NEGR1: variants seen among roughly 807,000 people sequenced by gnomAD.
The protein encoded by NEGR1 is neuronal growth regulator 1.
Under a neutral mutation model 40.9 loss-of-function variants are expected in NEGR1, and 10 were observed. The observed-to-expected ratio is 0.24, with a 90% CI of 0.15 to 0.42. NEGR1 has a LOEUF of 0.42. Ranked by LOEUF, NEGR1 falls within the 10% of genes least tolerant of loss-of-function variation. The pLI is 1.00. For synonymous variants in NEGR1, 185 were observed against 166.8 expected (o/e 1.11, Z -0.84); for missense variants, 352 against 438.9 (o/e 0.80, Z 1.77).
At chr1:71,513,785 G>A (rs1569971716) in intron 6 of NEGR1, among the ~76,000 whole-genome samples, 1 of 151,872 alleles carries the variant, frequency 6.6e-6, no homozygotes, top group African/African-American at 2.4e-5. Context: ...CAGAAGACGG[G>A]TGATTTCTGC....
chr1:71,501,688 C>G (rs1404318913), intron 6 of NEGR1, among the ~76,000 whole-genome samples: 1 of 152,054 alleles, frequency 6.6e-6, no homozygotes, highest in Non-Finnish European at 1.5e-5. Flanking sequence ...ATGCCAAAAT[C>G]TACAACAATG....
intron 3 of NEGR1, among the ~76,000 whole-genome samples, chr1:71,747,805 C>A (rs1292005891): frequency 6.9e-6 from 1 of 145,028 alleles, no homozygotes; most frequent in African/African-American, 2.5e-5. Context: ...ATCTTGAATT[C>A]TTTTCCACCC....
intron 1 of NEGR1, among the ~76,000 whole-genome samples, chr1:72,182,693 T>C (rs1397576404): frequency 3.3e-5 from 5 of 151,960 alleles, no homozygotes; most frequent in Non-Finnish European, 5.9e-5. Context: ...ATAACAATTA[T>C]ATAATTATAA....
chr1:71,737,984 T>C (rs1655093362), intron 3 of NEGR1, among the ~76,000 whole-genome samples: 1 of 152,174 alleles, frequency 6.6e-6, no homozygotes, highest in South Asian at 2.1e-4. Context: ...TCAGCTTTCC[T>C]ATCCATCTGC....
chr1:72,095,034 G>A (rs907388657), intron 1 of NEGR1, among the ~76,000 whole-genome samples: 1 of 152,136 alleles, frequency 6.6e-6, no homozygotes, highest in Non-Finnish European at 1.5e-5. Flanking sequence ...AAGTGAAGAT[G>A]CTTGAAAGCT....
intron 2 of NEGR1, among the ~76,000 whole-genome samples, chr1:71,779,380 A>T (rs1319166247): frequency 6.6e-6 from 1 of 152,144 alleles, no homozygotes; most frequent in African/African-American, 2.4e-5. Context: ...GTAAGTAACT[A>T]AGAGAGGGCA....
At chr1:71,659,496 T>C (rs1651983617) in intron 4 of NEGR1, among the ~76,000 whole-genome samples, 2 of 152,128 alleles carry the variant, frequency 1.3e-5, no homozygotes. Flanking sequence ...TAATTAGACC[T>C]AAGATCTTCT....
intron 1 of NEGR1, among the ~76,000 whole-genome samples, chr1:71,994,547 CAA>C (rs1220980287): frequency 3.4e-5 from 2 of 59,552 alleles, no homozygotes; most frequent in African/African-American, 5.2e-5. Context: ...ACAAAACAAA[CAA>C]AAAAAAAAAA....
intron 1 of NEGR1, among the ~76,000 whole-genome samples, chr1:72,214,573 TAGAC>T (rs1363074095): frequency 1.3e-5 from 2 of 150,762 alleles, no homozygotes; most frequent in Admixed American, 1.3e-4. Context: ...ACACCAATAA[TAGAC>T]AGAGAGCCAA....
chr1:71,476,894 T>G (rs148023054), intron 6 of NEGR1: 2 of 152,194 alleles, frequency 1.3e-5, no homozygotes, highest in African/African-American at 4.8e-5. Context: ...TACAACAGAT[T>G]TCAATTTCTG....
At chr1:71,739,660 T>C (rs1207508409) in intron 3 of NEGR1, among the ~76,000 whole-genome samples, 1 of 152,158 alleles carries the variant, frequency 6.6e-6, no homozygotes, top group East Asian at 1.9e-4. Flanking sequence ...TTTCATTTCA[T>C]GGCCCTCACA....
At chr1:72,126,088 A>ACTGTGTGTGT (rs1460989217) in intron 1 of NEGR1, among the ~76,000 whole-genome samples, 10 of 129,324 alleles carry the variant, frequency 7.7e-5, no homozygotes, top group Non-Finnish European at 1.6e-4. Flanking sequence ...ATTAGAGAAA[A>ACTGTGTGTGT]GTATGTGTGT....
intron 4 of NEGR1, among the ~76,000 whole-genome samples, chr1:71,613,438 G>C (rs1650331937): frequency 6.6e-6 from 1 of 152,064 alleles, no homozygotes; most frequent in Non-Finnish European, 1.5e-5. Context: ...CCTGAGGTCA[G>C]GAGTTCGAGA....
At chr1:71,749,629 C>T (rs762559513) in intron 3 of NEGR1, among the ~76,000 whole-genome samples, 2 of 152,130 alleles carry the variant, frequency 1.3e-5, no homozygotes, top group Non-Finnish European at 2.9e-5. Flanking sequence ...CTCCCCATCT[C>T]GCAGAAGCTA....
intron 6 of NEGR1, among the ~76,000 whole-genome samples, chr1:71,445,541 C>A (rs1490004037): frequency 6.6e-6 from 1 of 151,992 alleles, no homozygotes; most frequent in East Asian, 1.9e-4. Flanking sequence ...CAGTAAGTGA[C>A]CTGCTTAGAG....
At chr1:71,708,234 T>C (rs965094619) in intron 3 of NEGR1, among the ~76,000 whole-genome samples, 28 of 151,890 alleles carry the variant, frequency 1.8e-4, no homozygotes, top group African/African-American at 6.8e-4. Context: ...CATAGCTATG[T>C]TGAGAAAACT....
At chr1:71,497,500 A>T (rs575537472) in intron 6 of NEGR1, among the ~76,000 whole-genome samples, 50 of 152,072 alleles carry the variant, frequency 3.3e-4, no homozygotes, top group Non-Finnish European at 6.6e-4. Flanking sequence ...AGGGTTATTG[A>T]TCTTTTTTAT....
At chr1:72,138,245 A>G (rs1021877429) in intron 1 of NEGR1, among the ~76,000 whole-genome samples, 1 of 152,036 alleles carries the variant, frequency 6.6e-6, no homozygotes, top group Non-Finnish European at 1.5e-5. Flanking sequence ...TTAAAAAACA[A>G]TTAAAATGTA....
chr1:71,545,388 C>A, intron 6 of NEGR1, among the ~76,000 whole-genome samples: 1 of 151,646 alleles, frequency 6.6e-6, no homozygotes, highest in East Asian at 2.0e-4. Context: ...AAATGCTCTC[C>A]TGAACTTTCC....
Sources: gnomAD v4.1 joint callset for allele counts (sites outside exome capture counted in the v4.1 genomes callset) on GRCh38, gnomAD v4.1.1 for gene constraint, MANE v1.5 for transcripts, NCBI Gene and HGNC (gene_info 2026-07-23, HGNC 2026-07-21) for gene names.